The following NFAM1 variants were observed in gnomAD, a reference collection of about 807,000 sequenced individuals.
NFAM1 encodes NFAT activating protein with ITAM motif 1.
Under a neutral mutation model 29.0 loss-of-function variants are expected in NFAM1, and 17 were observed. The ratio of observed to expected loss-of-function variants is 0.59; its 90% CI spans 0.40 to 0.88. The LOEUF is 0.88. Among genes scored for constraint, NFAM1 ranks in the 40% least tolerant of loss-of-function variants. The probability of loss-of-function intolerance (pLI) is 0.00; values close to 1 mark genes in which losing one functional copy is unlikely to be tolerated. For missense variants in NFAM1, 324 were observed against 344.6 expected, an observed-to-expected ratio of 0.94 and a Z score of 0.47; for synonymous variants, 175 against 147.2, an observed-to-expected ratio of 1.19 and a Z score of -1.36.
chr22:42,434,522 C>T (rs536813635), upstream of NFAM1, among the ~76,000 whole-genome samples: 38 of 152,274 alleles, frequency 2.5e-4, no homozygotes, highest in African/African-American at 9.1e-4. Flanking sequence ...GAGGCAGGGA[C>T]GCACCTTGGC....
rs111849577 is a variant in NFAM1, at chr22:42,414,557, AT to A, written c.122-2822del. 7.3e-3 allele frequency among the ~76,000 whole-genome samples: 1,076 copies of A among 147,202 alleles called. 4 individuals are homozygous for A. Among genetic ancestry groups the A allele is most frequent in the African/African-American group, 0.015 (623 of 40,224 alleles). On this transcript the variant is annotated intron_variant, in intron 1 of 5. Transcript: ENST00000329021. ...AGTTCAAGGCCAGCCTGGGCATCAA[AT>A]TTTTTTTTTTTTAAATTAAAAAAAT...
Position 42,384,980 on chromosome 22 carries a change from G to A in NFAM1, c.*181C>T, listed in dbSNP as rs1929083693. On this transcript the variant is annotated 3_prime_UTR_variant, in exon 6 of 6. Coordinates refer to ENST00000329021, the MANE Select transcript of NFAM1 (RefSeq NM_145912.8). ...GGCCCCAAGATGGGAAAGCCTTGGT[G>A]GTTGGGGCATAGAATGGGGGGGCAG... 3 of 677,160 alleles carry A rather than the reference G, an allele frequency of 4.4e-6. No homozygotes were observed. Among genetic ancestry groups the A allele is most frequent in the East Asian group, 5.0e-5 (2 of 40,236 alleles). 41.9% of individuals were successfully genotyped at this position (677,160 alleles called of 1,614,324 possible). A position where few individuals can be genotyped will look rare whatever the true frequency, so the allele number is the denominator to read the frequency against.
At chr22:42,424,821 G>A (rs137976760) in intron 1 of NFAM1, among the ~76,000 whole-genome samples, 1 of 152,186 alleles carries the variant, frequency 6.6e-6, no homozygotes, top group East Asian at 1.9e-4. Flanking sequence ...GCCTGTGAGG[G>A]CTTTTAAATT....
At chr22:42,434,224 C>A (rs1442806556), upstream of NFAM1, among the ~76,000 whole-genome samples, 1 of 152,194 alleles carries the variant, frequency 6.6e-6, no homozygotes, top group Non-Finnish European at 1.5e-5. Flanking sequence ...CCCTCTCCTT[C>A]TTGAGCCTGG....
chr22:42,390,092 C>G (rs1026133551), intron 4 of NFAM1, among the ~76,000 whole-genome samples: 1 of 151,784 alleles, frequency 6.6e-6, no homozygotes, highest in Non-Finnish European at 1.5e-5. Context: ...GCAGGAGGGC[C>G]TGGAGGCTGA....
intron 5 of NFAM1, among the ~76,000 whole-genome samples, chr22:42,386,291 T>C (rs938699226): frequency 4.6e-5 from 7 of 151,832 alleles, no homozygotes; most frequent in African/African-American, 1.7e-4. Flanking sequence ...GGAGAATTGC[T>C]TGAACCTGAG....
Position 42,385,148 on chromosome 22 carries a change from G to T in NFAM1, c.*13C>A. On this transcript the variant is annotated 3_prime_UTR_variant, in exon 6 of 6. Transcript: ENST00000329021. The stretch of plus-strand genomic sequence containing the variant: ...CTGACCCAGGGCAAGCTCTATGAGC[G>T]GTGGAGCCCATCCTAGAGATTTTCA... 6.2e-7 allele frequency: 1 copy of T among 1,607,906 alleles called. No individual in the cohort carries two copies. The highest frequency in any genetic ancestry group is 1.3e-5 in the African/African-American group (1 of 74,880).
chr22:42,419,989 G>GTTTTTTTTTTTTTTTT lies in NFAM1; in HGVS notation c.122-8254_122-8253insAAAAAAAAAAAAAAAA, dbSNP rs1491236869. Among the ~76,000 whole-genome samples the GTTTTTTTTTTTTTTTT allele has an allele frequency of 3.0e-4, 17 of 56,528 alleles. 7 individuals carry two copies. The highest frequency in any genetic ancestry group is 1.2e-3 in the South Asian group (2 of 1,682). 37.1% of individuals were successfully genotyped at this position (56,528 alleles called of 152,430 possible). On this transcript the variant is annotated intron_variant, in intron 1 of 5. Transcript: ENST00000329021. The surrounding 1 kb of genome is among the most constrained non-coding windows in gnomAD (Gnocchi z 4.5). ...CCTTTGAGTCTGTAATCCCACTCTT[G>GTTTTTTTTTTTTTTTT]GTTTTTTTTTTTTTTTTTTTTTTTT...
chr22:42,388,924 C>G lies in NFAM1; in HGVS notation c.664-1846G>C, dbSNP rs1300530597. 6.6e-6 allele frequency among the ~76,000 whole-genome samples: 1 copy of G among 152,162 alleles called. No individual in the cohort carries two copies. Among genetic ancestry groups the G allele is most frequent in the Non-Finnish European group, 1.5e-5 (1 of 68,024 alleles). Reference sequence around the variant, plus strand: ...AGGGAAACTTCCAAGTCCTGCCCTGCCTTGTGCGGCCTTCGTGCCTGTCCG... The same window carrying G: ...AGGGAAACTTCCAAGTCCTGCCCTGGCTTGTGCGGCCTTCGTGCCTGTCCG... On this transcript the variant is annotated intron_variant, in intron 4 of 5. Transcript: ENST00000329021. The surrounding 1 kb of genome is among the most constrained non-coding windows in gnomAD (Gnocchi z 4.1).
chr22:42,411,561 G>A lies in NFAM1; in HGVS notation c.297C>T (p.Cys99=). ...GGTTCTCTGTGCCCAGTCCAGGGTG[G>A]CAGTTTGTTGGCTTCTTAGGGCTCC... ...GQRSPKKPTN[C]HPGLGTENQS... is the part of the protein sequence containing the mutation. Residue 99 remains cysteine (C), a synonymous_variant, in exon 2 of 6, where the codon TGC becomes TGT. Transcript: ENST00000329021. 1 of 1,614,208 alleles carries A rather than the reference G, an allele frequency of 6.2e-7. No homozygotes were observed. Among genetic ancestry groups the A allele is most frequent in the Non-Finnish European group, 8.5e-7 (1 of 1,180,010 alleles).
upstream of NFAM1, among the ~76,000 whole-genome samples, chr22:42,437,202 G>A (rs959824541): frequency 3.3e-5 from 5 of 149,964 alleles, no homozygotes; most frequent in African/African-American, 1.2e-4. Context: ...GAGTGCAGTG[G>A]TGCGATCTTG....
chr22:42,399,451 A>C (rs1372236213), intron 3 of NFAM1, among the ~76,000 whole-genome samples: 1 of 136,970 alleles, frequency 7.3e-6, no homozygotes, highest in Non-Finnish European at 1.5e-5. Flanking sequence ...CATCTCAAAA[A>C]AAAAAAAAAA....
intron 3 of NFAM1, among the ~76,000 whole-genome samples, chr22:42,408,016 C>T (rs1174770567): frequency 6.6e-6 from 1 of 151,358 alleles, no homozygotes; most frequent in African/African-American, 2.4e-5. Context: ...AATTCTCCTG[C>T]CTCAGCCTCT....
chr22:42,416,242 A>G (rs539189795), intron 1 of NFAM1, among the ~76,000 whole-genome samples: 5 of 152,316 alleles, frequency 3.3e-5, no homozygotes, highest in Admixed American at 2.6e-4. Context: ...AAGTCGAAGC[A>G]GGAGGATCGC....
intron 1 of NFAM1, among the ~76,000 whole-genome samples, chr22:42,431,792 T>G (rs1369653787): frequency 1.2e-5 from 1 of 85,736 alleles, no homozygotes; most frequent in African/African-American, 4.8e-5. Flanking sequence ...CTCCCCCCTC[T>G]CCCCGCTCTC....
intron 1 of NFAM1, among the ~76,000 whole-genome samples, chr22:42,423,699 A>T (rs970678497): frequency 8.0e-5 from 12 of 150,048 alleles, no homozygotes; most frequent in African/African-American, 1.5e-4. Context: ...AGCCTGGGTG[A>T]CAGTATGAAA....
At chr22:42,423,369 C>T (rs1930512461) in intron 1 of NFAM1, among the ~76,000 whole-genome samples, 1 of 151,976 alleles carries the variant, frequency 6.6e-6, no homozygotes, top group South Asian at 2.1e-4. Flanking sequence ...GAGTGTGGGT[C>T]ATTATTTGGT....
At position 42,409,389 on chromosome 22, in the gene NFAM1, C is replaced by T. The variant is rs569906641; in HGVS notation, c.564+46G>A. 6.5e-6 allele frequency: 7 copies of T among 1,069,376 alleles called. No homozygotes were observed. Among genetic ancestry groups the T allele is most frequent in the Middle Eastern group, 2.2e-4 (1 of 4,584 alleles). 66.2% of individuals were successfully genotyped at this position (1,069,376 alleles called of 1,614,324 possible). On this transcript the variant is annotated intron_variant, in intron 3 of 5. Coordinates refer to ENST00000329021, the MANE Select transcript of NFAM1 (RefSeq NM_145912.8). This position sits in a 1 kb window ranked among gnomAD's most constrained non-coding sequence, Gnocchi z 4.9. Reference sequence around the variant, plus strand: ...CAGAGGGCAGGCGGGCAGCCGGTGGCGTGTCGGGTGGAGGGGCTGCATGGC... The same window carrying T: ...CAGAGGGCAGGCGGGCAGCCGGTGGTGTGTCGGGTGGAGGGGCTGCATGGC...
chr22:42,418,031 G>A (rs968102796), intron 1 of NFAM1, among the ~76,000 whole-genome samples: 1 of 152,208 alleles, frequency 6.6e-6, no homozygotes, highest in Non-Finnish European at 1.5e-5. Flanking sequence ...GTTTTGGGGG[G>A]TGACACACCC....
Sources: allele counts gnomAD v4.1 joint callset (sites outside exome capture counted in the v4.1 genomes callset), GRCh38; gene constraint gnomAD v4.1.1; non-coding constraint Gnocchi (gnomAD v3.1); transcripts MANE v1.5; gene names NCBI Gene and HGNC (gene_info 2026-07-23, HGNC 2026-07-21).